Variants in CMSS1 observed in about 807,000 individuals in gnomAD.
The protein encoded by CMSS1 is cms1 ribosomal small subunit homolog.
Under a neutral mutation model 43.5 loss-of-function variants are expected in CMSS1, and 33 were observed. That is an observed-to-expected ratio of 0.76 (90% CI 0.57 to 1.01). The LOEUF is 1.01. Ranked by LOEUF, CMSS1 falls within the 50% of genes least tolerant of loss-of-function variation. The pLI is 0.00. For synonymous variants in CMSS1, 115 were observed against 117.2 expected (o/e 0.98, Z 0.12); for missense variants, 313 against 326.4 (o/e 0.96, Z 0.32).
intron 1 of CMSS1, among the ~76,000 whole-genome samples, chr3:99,960,620 T>A (rs1338218243): frequency 6.6e-6 from 1 of 152,174 alleles, no homozygotes; most frequent in Non-Finnish European, 1.5e-5. Flanking sequence ...TTTACCTGCT[T>A]CCTAATCATT....
In CMSS1 at chr3:100,171,947, CT is replaced by C. The variant is rs113602861; in HGVS notation, c.579+54del. 265 of 1,401,728 alleles carry C rather than the reference CT, an allele frequency of 1.9e-4. 1 individual carries two copies. In the African/African-American group the frequency reaches 3.0e-3, roughly 16 times the overall value. The allele number at this position is 1,401,728 out of a possible 1,614,324, so 86.8% of individuals were successfully genotyped here. A position where few individuals can be genotyped will look rare whatever the true frequency, so the allele number is the denominator to read the frequency against. On this transcript the variant is annotated intron_variant, in intron 7 of 9. Coordinates refer to ENST00000421999, the MANE Select transcript of CMSS1 (RefSeq NM_032359.4). ...CCTAAAGGCCTCTCCCAGACCTCAG[CT>C]TTTTTCCTTTCAACCTCTTCTCCTA...
intron 1 of CMSS1, among the ~76,000 whole-genome samples, chr3:100,054,940 C>A (rs949565197): frequency 6.6e-6 from 1 of 152,198 alleles, no homozygotes; most frequent in Non-Finnish European, 1.5e-5. Flanking sequence ...CAACATAGTT[C>A]CTTCCAGAAA....
intron 1 of CMSS1, among the ~76,000 whole-genome samples, chr3:100,013,821 G>A (rs1710236846): frequency 1.3e-5 from 2 of 152,098 alleles, no homozygotes; most frequent in Admixed American, 6.6e-5. Flanking sequence ...TTTGTGGTGA[G>A]AAAATTTAAA....
chr3:100,161,862 G>A (rs1333566633), intron 3 of CMSS1, among the ~76,000 whole-genome samples: 1 of 152,116 alleles, frequency 6.6e-6, no homozygotes, highest in Non-Finnish European at 1.5e-5. Flanking sequence ...CCTACTGCGG[G>A]TTTTACACTA....
chr3:99,902,211 A>G (rs747475519), intron 1 of CMSS1, among the ~76,000 whole-genome samples: 1 of 152,334 alleles, frequency 6.6e-6, no homozygotes, highest in East Asian at 1.9e-4. Flanking sequence ...TCTTAGTACC[A>G]TGTGACATTT....
At chr3:100,112,481 C>T (rs1435475991) in intron 1 of CMSS1, among the ~76,000 whole-genome samples, 2 of 152,134 alleles carry the variant, frequency 1.3e-5, no homozygotes, top group Non-Finnish European at 2.9e-5. Context: ...CTACCTAAGA[C>T]CAAGTCTTGA....
intron 1 of CMSS1, among the ~76,000 whole-genome samples, chr3:100,079,001 G>C (rs1245966878): frequency 6.6e-6 from 1 of 152,188 alleles, no homozygotes; most frequent in Non-Finnish European, 1.5e-5. Context: ...GGCCCACGTT[G>C]GACAAGCTTG....
intron 1 of CMSS1, among the ~76,000 whole-genome samples, chr3:100,119,274 T>C (rs2066600751): frequency 1.3e-5 from 2 of 152,080 alleles, no homozygotes; most frequent in African/African-American, 4.8e-5. Context: ...AAAGGAAAAA[T>C]GAATTCTTGT....
intron 1 of CMSS1, among the ~76,000 whole-genome samples, chr3:99,910,068 A>G (rs1706745179): frequency 7.4e-6 from 1 of 135,702 alleles, no homozygotes. Context: ...GCTCACCCTC[A>G]TTGCACTTTC....
chr3:99,889,933 T>C (rs1198432115), intron 1 of CMSS1, among the ~76,000 whole-genome samples: 1 of 152,140 alleles, frequency 6.6e-6, no homozygotes, highest in Non-Finnish European at 1.5e-5. Flanking sequence ...TATTGTTCTA[T>C]TAGGCAATTA....
At chr3:100,127,648 C>G (rs2066673535) in intron 1 of CMSS1, among the ~76,000 whole-genome samples, 1 of 152,202 alleles carries the variant, frequency 6.6e-6, no homozygotes, top group Admixed American at 6.5e-5. Flanking sequence ...TCCCATCTCT[C>G]ACTTAGAAAC....
At chr3:99,818,767 G>A (rs1224103100) in intron 1 of CMSS1, among the ~76,000 whole-genome samples, 1 of 152,192 alleles carries the variant, frequency 6.6e-6, no homozygotes. Flanking sequence ...AACAATACTA[G>A]AATTCAGTTA....
intron 1 of CMSS1, among the ~76,000 whole-genome samples, chr3:100,120,650 A>G (rs1318496732): frequency 6.6e-6 from 1 of 151,708 alleles, no homozygotes. Context: ...TCAGGAACTC[A>G]TAGTCTAATA....
intron 1 of CMSS1, among the ~76,000 whole-genome samples, chr3:99,881,733 A>G (rs763373833): frequency 1.3e-5 from 2 of 152,276 alleles, no homozygotes; most frequent in African/African-American, 4.8e-5. Flanking sequence ...GGGTTTCACC[A>G]TGTTGGCCAG....
intron 1 of CMSS1, chr3:99,931,090 C>G: frequency 2.2e-6 from 3 of 1,366,404 alleles, no homozygotes; most frequent in East Asian, 4.6e-5. Flanking sequence ...ATAAGAGTAC[C>G]TATTACTGCT....
intron 9 of CMSS1, 28 bp from the exon 10 acceptor site, chr3:100,178,276 CT>C (rs781762848): frequency 1.7e-4 from 254 of 1,478,568 alleles, no homozygotes; most frequent in Admixed American, 3.6e-4. Flanking sequence ...TGATCTTAAT[CT>C]TTTTTTCCCC....
chr3:99,945,121 T>C (rs1707969735), intron 1 of CMSS1, among the ~76,000 whole-genome samples: 1 of 152,206 alleles, frequency 6.6e-6, no homozygotes, highest in African/African-American at 2.4e-5. Context: ...GTGCTCTCCC[T>C]GATGCTTTTT....
intron 1 of CMSS1, among the ~76,000 whole-genome samples, chr3:99,840,968 T>C (rs1943105556): frequency 6.6e-6 from 1 of 152,252 alleles, no homozygotes; most frequent in South Asian, 2.1e-4. Context: ...TTAAATGTTG[T>C]CTGATACTCT....
chr3:100,031,428 T>C (rs59674041), intron 1 of CMSS1, among the ~76,000 whole-genome samples: 2,246 of 152,122 alleles, frequency 0.015, 56 homozygotes, highest in African/African-American at 0.052. Flanking sequence ...GAGTTGGTGG[T>C]AGGGTTCACA....
Sources: gnomAD v4.1 joint callset for allele counts (sites outside exome capture counted in the v4.1 genomes callset) on GRCh38, gnomAD v4.1.1 for gene constraint, MANE v1.5 for transcripts, NCBI Gene and HGNC (gene_info 2026-07-23, HGNC 2026-07-21) for gene names.